FRMD4B: variants seen among roughly 807,000 people sequenced by gnomAD.
The protein encoded by FRMD4B is FERM domain-containing protein 4B.
In FRMD4B, 74 loss-of-function variants were observed where a neutral mutation model predicts 141.5. That is an observed-to-expected ratio of 0.52 (90% CI 0.43 to 0.63). FRMD4B has a LOEUF of 0.63. Among genes scored for constraint, FRMD4B ranks in the 30% least tolerant of loss-of-function variants. The probability of loss-of-function intolerance (pLI) is 0.00; values close to 1 mark genes in which losing one functional copy is unlikely to be tolerated. For missense variants in FRMD4B, 1,366 were observed against 1,253.4 expected, an observed-to-expected ratio of 1.09 and a Z score of -1.36; for synonymous variants, 506 against 467.9, an observed-to-expected ratio of 1.08 and a Z score of -1.05.
At chr3:69,389,696 C>T (rs2106717678), upstream of FRMD4B, among the ~76,000 whole-genome samples, 1 of 152,280 alleles carries the variant, frequency 6.6e-6, no homozygotes, top group Admixed American at 6.5e-5. Flanking sequence ...AATACAACTT[C>T]CTCCACTCCA....
intron 1 of FRMD4B, among the ~76,000 whole-genome samples, chr3:69,437,147 A>T (rs1705271892): frequency 6.6e-6 from 1 of 152,074 alleles, no homozygotes; most frequent in African/African-American, 2.4e-5. Flanking sequence ...ATCATGGCTC[A>T]CTGCAGTCTC....
At chr3:69,222,443 G>A (rs1259415871) in intron 8 of FRMD4B, among the ~76,000 whole-genome samples, 3 of 142,934 alleles carry the variant, frequency 2.1e-5, no homozygotes, top group Admixed American at 7.4e-5. Context: ...CTCCATTCTA[G>A]GTGACAAGAG....
At chr3:69,445,380 C>T (rs1239953515) in intron 1 of FRMD4B, among the ~76,000 whole-genome samples, 6 of 152,228 alleles carry the variant, frequency 3.9e-5, no homozygotes, top group Non-Finnish European at 8.8e-5. Flanking sequence ...AGTGCAGACA[C>T]CCTAGCCAAT....
chr3:69,226,951 T>C (rs2093260575), intron 7 of FRMD4B, among the ~76,000 whole-genome samples: 1 of 152,120 alleles, frequency 6.6e-6, no homozygotes, highest in South Asian at 2.1e-4. Context: ...GACACTGAGA[T>C]TTTTCCAGCA....
chr3:69,441,027 C>CT (rs1468958131), intron 1 of FRMD4B, among the ~76,000 whole-genome samples: 7 of 152,232 alleles, frequency 4.6e-5, no homozygotes, highest in South Asian at 4.1e-4. Flanking sequence ...AAAACGTACT[C>CT]TGAGTTTCTG....
In FRMD4B at chr3:69,287,798, GT is replaced by G; in HGVS notation, c.454del (p.Thr152ProfsTer8). On this transcript the variant is annotated frameshift_variant, in exon 5 of 23. Coordinates refer to ENST00000398540, the MANE Select transcript of FRMD4B (RefSeq NM_015123.3). LOFTEE classifies it high-confidence loss of function. ...ATTCAGGAAAAACAGCTCCACGGTGGTTTTATCCTTTAAAAACGATATGCTC... is the reference window on the plus strand; with the variant it reads ...ATTCAGGAAAAACAGCTCCACGGTGGTTTATCCTTTAAAAACGATATGCTC... ...IESISFLKDK[T>X]TVELFFLNAK... The G allele has an allele frequency of 6.2e-7, 1 of 1,602,048 alleles. No homozygotes were observed. Among genetic ancestry groups the G allele is most frequent in the Non-Finnish European group, 8.5e-7 (1 of 1,171,276 alleles).
intron 4 of FRMD4B, chr3:69,293,172 C>A: frequency 3.7e-6 from 1 of 269,330 alleles, no homozygotes; most frequent in South Asian, 3.3e-5. Flanking sequence ...CAGATGGCAA[C>A]ACATGGATGT....
intron 2 of FRMD4B, among the ~76,000 whole-genome samples, chr3:69,425,051 G>A (rs1705053721): frequency 6.6e-6 from 1 of 152,140 alleles, no homozygotes; most frequent in African/African-American, 2.4e-5. Flanking sequence ...TAGGCAAATA[G>A]GAAGGTAGGT....
intron 16 of FRMD4B, 39 bp downstream of exon 16, chr3:69,194,983 C>G (rs369782979): frequency 2.5e-6 from 4 of 1,588,298 alleles, no homozygotes; most frequent in Admixed American, 3.5e-5. Context: ...GCTTTCCTGT[C>G]TTATGATTAA....
chr3:69,407,990 TC>T (rs1441794457), intron 2 of FRMD4B, among the ~76,000 whole-genome samples: 5 of 152,088 alleles, frequency 3.3e-5, no homozygotes, highest in African/African-American at 1.2e-4. Flanking sequence ...GTCATCCGGC[TC>T]AGCACACTTT....
rs1236536247 is a variant in FRMD4B, at chr3:69,525,828, T to C, written c.-129+16378A>G. Among the ~76,000 whole-genome samples, 3 of 123,364 alleles carry C rather than the reference T, an allele frequency of 2.4e-5. No individual in the cohort carries two copies. The East Asian group carries it at 1.0e-3, about 42-fold the overall frequency. 80.9% of individuals were successfully genotyped at this position (123,364 alleles called of 152,430 possible). The stretch of plus-strand genomic sequence containing the variant: ...CCACCATGCCTGGCTAAGTTTTGTA[T>C]TTTTTTTTTTTGTAGAGATGGGGTT... On this transcript the variant is annotated intron_variant, in intron 1 of 5. Transcript: ENST00000459638.
At chr3:69,248,248 C>T (rs2093437897) in intron 7 of FRMD4B, among the ~76,000 whole-genome samples, 1 of 151,658 alleles carries the variant, frequency 6.6e-6, no homozygotes, top group African/African-American at 2.4e-5. Flanking sequence ...TGTAAATACA[C>T]ACACACACAC....
chr3:69,335,866 G>A (rs4855390), intron 1 of FRMD4B, among the ~76,000 whole-genome samples: 40,122 of 151,562 alleles, frequency 0.26, 6,151 homozygotes, highest in Non-Finnish European at 0.34. Flanking sequence ...GGGATTACAG[G>A]TGCGTGCCAC....
intron 1 of FRMD4B, among the ~76,000 whole-genome samples, chr3:69,447,643 C>G (rs1383572280): frequency 6.6e-6 from 1 of 152,128 alleles, no homozygotes; most frequent in Non-Finnish European, 1.5e-5. Flanking sequence ...TAGAAGATAA[C>G]AAAACATTTT....
At chr3:69,402,795 C>T (rs1704588188) in intron 2 of FRMD4B, among the ~76,000 whole-genome samples, 1 of 151,948 alleles carries the variant, frequency 6.6e-6, no homozygotes, top group South Asian at 2.1e-4. Context: ...AATAATTGAC[C>T]TCAATACATT....
chr3:69,375,582 T>C (rs571583713), intron 1 of FRMD4B, among the ~76,000 whole-genome samples: 2 of 152,312 alleles, frequency 1.3e-5, no homozygotes, highest in Admixed American at 1.3e-4. Flanking sequence ...CTTTAAGCAG[T>C]AGACTATGTT....
chr3:69,200,617 A>G, intron 11 of FRMD4B: 1 of 1,209,692 alleles, frequency 8.3e-7, no homozygotes, highest in Non-Finnish European at 1.1e-6. Flanking sequence ...CACCTCCCTA[A>G]TTCTACTCCT....
In FRMD4B at chr3:69,232,861, TA is replaced by T. The variant is rs961723641; in HGVS notation, c.582-8172del. 9.9e-3 allele frequency among the ~76,000 whole-genome samples: 1,404 copies of T among 141,534 alleles called. 21 individuals carry two copies. Among genetic ancestry groups the T allele is most frequent in the African/African-American group, 0.03 (1,181 of 39,040 alleles). 92.9% of individuals were successfully genotyped at this position (141,534 alleles called of 152,430 possible). A position where few individuals can be genotyped will look rare whatever the true frequency, so the allele number is the denominator to read the frequency against. ...GGCATCCTCCATTTGTAGAACAGCT[TA>T]AAAAAAAAAAATGCCCAAGCCCCAA... On this transcript the variant is annotated intron_variant, in intron 7 of 22. Transcript: ENST00000398540.
At chr3:69,452,404 G>A (rs994048026) in intron 1 of FRMD4B, among the ~76,000 whole-genome samples, 7 of 152,336 alleles carry the variant, frequency 4.6e-5, no homozygotes, top group African/African-American at 9.6e-5. Flanking sequence ...GCCACTTACC[G>A]AGTGGGTGAC....
Sources: allele counts gnomAD v4.1 joint callset (sites outside exome capture counted in the v4.1 genomes callset), GRCh38; gene constraint gnomAD v4.1.1; transcripts MANE v1.5; gene names NCBI Gene and HGNC (gene_info 2026-07-23, HGNC 2026-07-21).